Variants in SLIT3 observed in about 807,000 individuals in gnomAD.
SLIT3 encodes the protein slit guidance ligand 3.
SLIT3 carries 68 observed loss-of-function variants against 184.0 expected under a neutral mutation model. The observed-to-expected ratio is 0.37, with a 90% CI of 0.30 to 0.45. The LOEUF (loss-of-function observed/expected upper bound fraction) is 0.45. Ranked by LOEUF, SLIT3 falls within the 20% of genes least tolerant of loss-of-function variation. The pLI is 1.00. For synonymous variants in SLIT3, 831 were observed against 828.6 expected (o/e 1.00, Z -0.05); for missense variants, 1,707 against 2,026.0 (o/e 0.84, Z 3.02).
intron 4 of SLIT3, among the ~76,000 whole-genome samples, chr5:169,049,029 G>C (rs1757726248): frequency 6.6e-6 from 1 of 152,178 alleles, no homozygotes; most frequent in Non-Finnish European, 1.5e-5. Context: ...ACTGAATGGA[G>C]AGAATAGTCG....
intron 1 of SLIT3, among the ~76,000 whole-genome samples, chr5:169,253,359 G>T (rs1025608331): frequency 2.0e-5 from 3 of 152,098 alleles, no homozygotes; most frequent in African/African-American, 7.2e-5. Flanking sequence ...TTATGTCAAA[G>T]CACACAAAGT....
chr5:169,295,495 A>G (rs1000286927), intron 1 of SLIT3, among the ~76,000 whole-genome samples: 1 of 152,258 alleles, frequency 6.6e-6, no homozygotes, highest in South Asian at 2.1e-4. Flanking sequence ...ACAGGTGTGG[A>G]AATAAGGTAC....
At chr5:169,136,913 G>A (rs1761523041) in intron 4 of SLIT3, among the ~76,000 whole-genome samples, 1 of 152,028 alleles carries the variant, frequency 6.6e-6, no homozygotes, top group Non-Finnish European at 1.5e-5. Flanking sequence ...ATAGAGATGG[G>A]GTCTCCCTAT....
chr5:169,171,162 T>C (rs1218070795), intron 4 of SLIT3, among the ~76,000 whole-genome samples: 2 of 152,138 alleles, frequency 1.3e-5, no homozygotes, highest in African/African-American at 4.8e-5. Flanking sequence ...TTTCACTGAT[T>C]GAGGAGGATT....
intron 32 of SLIT3, among the ~76,000 whole-genome samples, chr5:168,676,078 ATCCT>A (rs1761400636): frequency 6.6e-6 from 1 of 150,842 alleles, no homozygotes; most frequent in African/African-American, 2.4e-5. Flanking sequence ...ACATCCATCC[ATCCT>A]TCATCTACCC....
intron 4 of SLIT3, among the ~76,000 whole-genome samples, chr5:169,144,595 A>C (rs1185825078): frequency 6.6e-6 from 1 of 152,220 alleles, no homozygotes; most frequent in Non-Finnish European, 1.5e-5. Context: ...TGTGTTTAGA[A>C]TGACACTGAA....
At chr5:169,156,828 C>T (rs1174751784) in intron 4 of SLIT3, among the ~76,000 whole-genome samples, 2 of 152,134 alleles carry the variant, frequency 1.3e-5, no homozygotes, top group Non-Finnish European at 2.9e-5. Context: ...GAGCATTATA[C>T]AAAACAAACA....
In SLIT3 at chr5:168,798,220, C is replaced by CTTTTTTTTTTTTTTTTTTTTTTT. The variant is rs575178855; in HGVS notation, c.936-2643_936-2642insAAAAAAAAAAAAAAAAAAAAAAA. Among the ~76,000 whole-genome samples the CTTTTTTTTTTTTTTTTTTTTTTT allele has an allele frequency of 1.3e-3, 147 of 112,226 alleles. 14 individuals carry two copies. Among genetic ancestry groups the CTTTTTTTTTTTTTTTTTTTTTTT allele is most frequent in the African/African-American group, 4.8e-3 (115 of 24,076 alleles). The allele number at this position is 112,226 out of a possible 152,430, so 73.6% of individuals were successfully genotyped here. A position where few individuals can be genotyped will look rare whatever the true frequency, so the allele number is the denominator to read the frequency against. ...CTTTTGGTTTTCTTTTCTTCTTCTT[C>CTTTTTTTTTTTTTTTTTTTTTTT]TTCTTTTTTTTTTTTTTTTAAGAGA... On this transcript the variant is annotated intron_variant, in intron 9 of 35. Coordinates refer to ENST00000519560, the MANE Select transcript of SLIT3 (RefSeq NM_003062.4).
At chr5:169,265,088 C>T (rs995912140) in intron 1 of SLIT3, among the ~76,000 whole-genome samples, 1 of 152,166 alleles carries the variant, frequency 6.6e-6, no homozygotes, top group Non-Finnish European at 1.5e-5. Context: ...CATGGGGTCT[C>T]TTTTCCTTCA....
intron 3 of SLIT3, among the ~76,000 whole-genome samples, chr5:169,240,226 TAG>T (rs1765348388): frequency 1.3e-5 from 2 of 152,144 alleles, no homozygotes; most frequent in Non-Finnish European, 2.9e-5. Flanking sequence ...CTATGTTGTT[TAG>T]AGTGTTCTCT....
intron 24 of SLIT3, among the ~76,000 whole-genome samples, chr5:168,711,760 C>T (rs369769970): frequency 2.2e-4 from 33 of 152,230 alleles, no homozygotes; most frequent in African/African-American, 7.9e-4. Context: ...AGATTCTAGT[C>T]CAACATCTCA....
intron 4 of SLIT3, among the ~76,000 whole-genome samples, chr5:168,883,731 C>T (rs985663178): frequency 6.6e-5 from 10 of 151,530 alleles, no homozygotes; most frequent in Non-Finnish European, 1.2e-4. Flanking sequence ...GTCAACGCCG[C>T]TCAATCTCCC....
At position 168,963,689 on chromosome 5, in the gene SLIT3, A is replaced by C. The variant is rs576507335; in HGVS notation, c.414-80353T>G. Among the ~76,000 whole-genome samples, 4 of 152,342 alleles carry C rather than the reference A, an allele frequency of 2.6e-5. No individual in the cohort carries two copies. In the South Asian group the frequency reaches 8.3e-4, roughly 32 times the overall value. On this transcript the variant is annotated intron_variant, in intron 4 of 35. Transcript: ENST00000519560. ...GTTAGGTACCTGATTCAGAGTCTGGACCATCATAGGCGTCTGATAGGCAGT... is the reference window on the plus strand; with the variant it reads ...GTTAGGTACCTGATTCAGAGTCTGGCCCATCATAGGCGTCTGATAGGCAGT...
intron 6 of SLIT3, among the ~76,000 whole-genome samples, chr5:168,826,837 C>A (rs911081685): frequency 2.0e-5 from 3 of 151,866 alleles, no homozygotes; most frequent in Non-Finnish European, 4.4e-5. Context: ...TCTCGGCTCA[C>A]TGCAACTTCT....
chr5:169,084,327 C>T (rs2113173757), intron 4 of SLIT3, among the ~76,000 whole-genome samples: 1 of 151,502 alleles, frequency 6.6e-6, no homozygotes, highest in African/African-American at 2.4e-5. Flanking sequence ...TCTTGTTGCC[C>T]AGTCTGGGAT....
intron 1 of SLIT3, among the ~76,000 whole-genome samples, chr5:169,260,934 T>C (rs149893002): frequency 1.3e-5 from 2 of 152,240 alleles, no homozygotes; most frequent in Non-Finnish European, 2.9e-5. Context: ...AAAGGCCAGA[T>C]AGTAAATAAT....
chr5:169,124,884 CAT>C (rs1205129656), intron 4 of SLIT3, among the ~76,000 whole-genome samples: 2 of 152,166 alleles, frequency 1.3e-5, no homozygotes, highest in Admixed American at 6.5e-5. Flanking sequence ...TATGAGCTAA[CAT>C]ATATTTCAAG....
At chr5:168,934,861 G>A (rs1396170411) in intron 4 of SLIT3, among the ~76,000 whole-genome samples, 1 of 151,708 alleles carries the variant, frequency 6.6e-6, no homozygotes, top group Non-Finnish European at 1.5e-5. Context: ...TGGGCGCGGT[G>A]GCTCACGCCT....
At chr5:169,064,784 G>T (rs1303444008) in intron 4 of SLIT3, among the ~76,000 whole-genome samples, 1 of 152,176 alleles carries the variant, frequency 6.6e-6, no homozygotes, top group Non-Finnish European at 1.5e-5. Flanking sequence ...GGGATTTGCT[G>T]TTGATGAATC....
Sources: gnomAD v4.1 joint callset for allele counts (sites outside exome capture counted in the v4.1 genomes callset) on GRCh38, gnomAD v4.1.1 for gene constraint, MANE v1.5 for transcripts, NCBI Gene and HGNC (gene_info 2026-07-23, HGNC 2026-07-21) for gene names.